The following EPB41L2 variants were observed in gnomAD, a reference collection of about 807,000 sequenced individuals.
EPB41L2 encodes the protein erythrocyte membrane protein band 4.1 like 2, also known as band 4.1-like protein 2.
EPB41L2 carries 43 observed loss-of-function variants against 113.0 expected under a neutral mutation model. The observed-to-expected ratio is 0.38, with a 90% CI of 0.30 to 0.49. EPB41L2 has a LOEUF of 0.49. EPB41L2 is among the 20% of genes least tolerant of loss of function. The pLI, the probability that EPB41L2 is intolerant of heterozygous loss-of-function variation, is 0.95. For synonymous variants in EPB41L2, 442 were observed against 436.7 expected (o/e 1.01, Z -0.15); for missense variants, 1,147 against 1,223.4 (o/e 0.94, Z 0.93).
intron 15 of EPB41L2, chr6:130,868,422 T>A (rs936619607): frequency 6.6e-6 from 1 of 152,254 alleles, no homozygotes; most frequent in Non-Finnish European, 1.5e-5. Flanking sequence ...ATGCTTAATA[T>A]TAATGCAACA....
chr6:131,008,250 G>C (rs964216221), intron 1 of EPB41L2, among the ~76,000 whole-genome samples: 2 of 152,222 alleles, frequency 1.3e-5, no homozygotes, highest in Non-Finnish European at 1.5e-5. Flanking sequence ...GGCTAAAAGG[G>C]GCCAAGGTAC....
intron 1 of EPB41L2, among the ~76,000 whole-genome samples, chr6:131,000,156 T>TAAA (rs200476283): frequency 1.4e-5 from 2 of 147,948 alleles, no homozygotes; most frequent in African/African-American, 4.9e-5. Flanking sequence ...AGTGGCTTTT[T>TAAA]AAAAAAAAAA....
At chr6:130,852,099 T>C (rs914535314) in intron 19 of EPB41L2, among the ~76,000 whole-genome samples, 2 of 152,186 alleles carry the variant, frequency 1.3e-5, no homozygotes, top group African/African-American at 4.8e-5. Context: ...TATTGGACTC[T>C]TAAGAGCAAA....
chr6:130,956,520 A>G (rs756005470), intron 1 of EPB41L2, 21 bp from the exon 2 acceptor site: 1 of 1,561,252 alleles, frequency 6.4e-7, no homozygotes, highest in Admixed American at 2.0e-5. Context: ...AACAAAAATC[A>G]TAAAATGTCA....
intron 15 of EPB41L2, 101 bp downstream of exon 15, chr6:130,869,462 G>T: frequency 9.1e-7 from 1 of 1,100,060 alleles, no homozygotes; most frequent in Non-Finnish European, 1.3e-6. Flanking sequence ...GATTCTTGTT[G>T]AAAAAAGCTG....
At chr6:130,868,721 C>T (rs1784690255) in intron 15 of EPB41L2, 1 of 152,082 alleles carries the variant, frequency 6.6e-6, no homozygotes, top group African/African-American at 2.4e-5. Context: ...AGAAATATTC[C>T]CAAGGAAATA....
chr6:131,032,490 T>G (rs1792383343), intron 1 of EPB41L2, among the ~76,000 whole-genome samples: 1 of 152,136 alleles, frequency 6.6e-6, no homozygotes, highest in Non-Finnish European at 1.5e-5. Flanking sequence ...ACAAAGCACT[T>G]TCAGATTTAT....
chr6:131,053,434 TAAAAAAAAAAAAAAA>T (rs71030727), intron 1 of EPB41L2, among the ~76,000 whole-genome samples: 1 of 88,906 alleles, frequency 1.1e-5, no homozygotes, highest in Non-Finnish European at 2.2e-5. Context: ...ATGGAAATGA[TAAAAAAAAAAAAAAA>T]AAAAAAAAAA....
intron 1 of EPB41L2, among the ~76,000 whole-genome samples, chr6:131,009,967 T>C (rs1786529760): frequency 6.6e-6 from 1 of 152,196 alleles, no homozygotes; most frequent in African/African-American, 2.4e-5. Flanking sequence ...GCATGTTCAA[T>C]TTGCCAGGGA....
chr6:131,059,373 C>T (rs766268916), intron 1 of EPB41L2, among the ~76,000 whole-genome samples: 4 of 152,202 alleles, frequency 2.6e-5, no homozygotes, highest in African/African-American at 9.6e-5. Context: ...CTCAGCCTCC[C>T]AAAGAGGTGG....
chr6:131,002,026 T>G lies in EPB41L2; in HGVS notation c.-14-45527A>C, dbSNP rs574132324. On this transcript the variant is annotated intron_variant, in intron 1 of 19. Transcript: ENST00000337057. Reference sequence around the variant, plus strand: ...TCCTTCTCATCTCACCAAATTCACCTGAGCCGTCACATATAGATTTGTCTA... The same window carrying G: ...TCCTTCTCATCTCACCAAATTCACCGGAGCCGTCACATATAGATTTGTCTA... Among the ~76,000 whole-genome samples the G allele has an allele frequency of 5.3e-5, 8 of 152,334 alleles. No homozygotes were observed. The East Asian group carries it at 5.8e-4, about 11-fold the overall frequency.
intron 8 of EPB41L2, among the ~76,000 whole-genome samples, chr6:130,898,821 T>C (rs528991286): frequency 1.4e-4 from 22 of 152,320 alleles, no homozygotes; most frequent in African/African-American, 4.8e-4. Context: ...GTCTTTTAAA[T>C]AACTTTTAAA....
chr6:130,957,345 G>A (rs1817762622), intron 1 of EPB41L2, among the ~76,000 whole-genome samples: 1 of 152,186 alleles, frequency 6.6e-6, no homozygotes, highest in African/African-American at 2.4e-5. Context: ...TAAGCAAAGA[G>A]GGACTTTTAA....
chr6:130,966,796 C>T (rs982209694), intron 1 of EPB41L2, among the ~76,000 whole-genome samples: 7 of 152,158 alleles, frequency 4.6e-5, no homozygotes, highest in Admixed American at 2.6e-4. Flanking sequence ...CCACAAGCCA[C>T]GATGCCAATT....
intron 1 of EPB41L2, among the ~76,000 whole-genome samples, chr6:131,055,227 C>A (rs138472513): frequency 5.9e-4 from 90 of 152,160 alleles, no homozygotes; most frequent in African/African-American, 2.0e-3. Context: ...TATAAAGCAC[C>A]CTGGAGAATG....
chr6:130,996,168 C>T (rs1329804468), intron 1 of EPB41L2, among the ~76,000 whole-genome samples: 1 of 152,150 alleles, frequency 6.6e-6, no homozygotes, highest in East Asian at 1.9e-4. Context: ...TGGTTTCTGC[C>T]ATAAAGTTTA....
chr6:130,874,957 A>G (rs1055200757), intron 14 of EPB41L2, among the ~76,000 whole-genome samples: 3 of 152,214 alleles, frequency 2.0e-5, no homozygotes, highest in Admixed American at 6.5e-5. Flanking sequence ...AAAATACGTA[A>G]TATTTCAAAG....
At chr6:130,885,877 T>C (rs1265408599) in intron 11 of EPB41L2, among the ~76,000 whole-genome samples, 7 of 152,212 alleles carry the variant, frequency 4.6e-5, no homozygotes, top group Non-Finnish European at 7.3e-5. Context: ...ATGGTAAATC[T>C]ATACATAGAC....
At chr6:130,940,792 C>A (rs944164212) in intron 3 of EPB41L2, among the ~76,000 whole-genome samples, 6 of 152,080 alleles carry the variant, frequency 3.9e-5, no homozygotes, top group Non-Finnish European at 8.8e-5. Flanking sequence ...TCTTTGAAAT[C>A]CAAAAGTTTC....
Sources: gnomAD v4.1 joint callset for allele counts (sites outside exome capture counted in the v4.1 genomes callset) on GRCh38, gnomAD v4.1.1 for gene constraint, MANE v1.5 for transcripts, NCBI Gene and HGNC (gene_info 2026-07-23, HGNC 2026-07-21) for gene names.